Variants in PAK1 observed in about 807,000 individuals in gnomAD.
PAK1 encodes the protein serine/threonine-protein kinase PAK 1.
PAK1 carries 29 observed loss-of-function variants against 67.4 expected under a neutral mutation model. That is an observed-to-expected ratio of 0.43 (90% CI 0.32 to 0.59). The LOEUF (loss-of-function observed/expected upper bound fraction) is 0.59. Ranked by LOEUF, PAK1 falls within the 20% of genes least tolerant of loss-of-function variation. The probability of loss-of-function intolerance (pLI) is 0.07; values close to 1 mark genes in which losing one functional copy is unlikely to be tolerated. For synonymous variants in PAK1, 223 were observed against 237.4 expected (o/e 0.94, Z 0.56); for missense variants, 337 against 670.7 (o/e 0.50, Z 5.50).
intron 5 of PAK1, among the ~76,000 whole-genome samples, chr11:77,372,030 G>A (rs1207628604): frequency 6.6e-6 from 1 of 152,158 alleles, no homozygotes; most frequent in Admixed American, 6.5e-5. Context: ...TAAGTCTTCA[G>A]GAAACTCTGT....
intron 14 of PAK1, among the ~76,000 whole-genome samples, chr11:77,332,234 C>T (rs866351286): frequency 7.2e-6 from 1 of 139,836 alleles, no homozygotes; most frequent in African/African-American, 2.7e-5. Context: ...CTTGAGTGAA[C>T]CCAGGAGAGG....
At chr11:77,327,604 A>G (rs1236503560) in intron 14 of PAK1, among the ~76,000 whole-genome samples, 2 of 152,232 alleles carry the variant, frequency 1.3e-5, no homozygotes, top group African/African-American at 2.4e-5. Flanking sequence ...TGTCACCACC[A>G]GGCCTGCCTT....
At chr11:77,508,956 G>A in the PAK1 span, among the ~76,000 whole-genome samples, 40 of 136,156 alleles carry the variant, frequency 2.9e-4, no homozygotes, top group African/African-American at 9.3e-4. Flanking sequence ...CACCGCGCCC[G>A]GCCCAGGGAT....
intron 5 of PAK1, among the ~76,000 whole-genome samples, chr11:77,372,866 T>C (rs1037234005): frequency 6.6e-6 from 1 of 152,216 alleles, no homozygotes; most frequent in African/African-American, 2.4e-5. Context: ...GCTCAGACTT[T>C]ACCATCAGGA....
At chr11:77,335,606 C>G (rs1385476684) in intron 13 of PAK1, among the ~76,000 whole-genome samples, 1 of 152,164 alleles carries the variant, frequency 6.6e-6, no homozygotes, top group Admixed American at 6.5e-5. Context: ...AACAGTCTCT[C>G]GCAGTCTATT....
At chr11:77,522,426 A>G in the PAK1 span, among the ~76,000 whole-genome samples, 1 of 152,222 alleles carries the variant, frequency 6.6e-6, no homozygotes, top group Non-Finnish European at 1.5e-5. Context: ...ATACCCTTCC[A>G]GTCAAAGCCT....
the PAK1 span, among the ~76,000 whole-genome samples, chr11:77,511,089 A>C: frequency 6.6e-6 from 1 of 152,220 alleles, no homozygotes; most frequent in Non-Finnish European, 1.5e-5. Flanking sequence ...ACCATTATAC[A>C]GTATTTGGCA....
chr11:77,387,920 T>A (rs1030617673), intron 2 of PAK1, among the ~76,000 whole-genome samples: 1 of 152,202 alleles, frequency 6.6e-6, no homozygotes, highest in Non-Finnish European at 1.5e-5. Flanking sequence ...TTGAGTAGCT[T>A]ACTGGTTGAT....
intron 1 of PAK1, among the ~76,000 whole-genome samples, chr11:77,396,553 CAAACGAATGAAT>C (rs1475104391): frequency 6.6e-6 from 1 of 152,142 alleles, no homozygotes; most frequent in Middle Eastern, 3.2e-3. Flanking sequence ...GTTGAATAAA[CAAACGAATGAAT>C]AAACAAAGAA....
the PAK1 span, among the ~76,000 whole-genome samples, chr11:77,519,773 T>C: frequency 6.6e-6 from 1 of 152,208 alleles, no homozygotes. Context: ...TTGCAGAATT[T>C]TGCTCCTTAG....
At chr11:77,392,149 G>A (rs1338966749) in intron 2 of PAK1, among the ~76,000 whole-genome samples, 182 bp downstream of exon 2, 1 of 152,104 alleles carries the variant, frequency 6.6e-6, no homozygotes, top group Admixed American at 6.6e-5. Flanking sequence ...ATAGTTAATA[G>A]AGTATAAAAA....
chr11:77,342,207 T>C (rs1265444210), intron 10 of PAK1, among the ~76,000 whole-genome samples: 2 of 151,220 alleles, frequency 1.3e-5, no homozygotes, highest in Admixed American at 6.6e-5. Context: ...TAATGTCCTC[T>C]TCCATGACCT....
chr11:77,495,910 G>A, the PAK1 span, among the ~76,000 whole-genome samples: 1 of 152,040 alleles, frequency 6.6e-6, no homozygotes, highest in Non-Finnish European at 1.5e-5. Context: ...GGAGGTTATT[G>A]TTTAATGAGC....
intron 13 of PAK1, 45 bp downstream of exon 13, chr11:77,336,041 G>A (rs1313743793): frequency 2.3e-6 from 3 of 1,292,086 alleles, no homozygotes; most frequent in Non-Finnish European, 3.3e-6. Context: ...CCTGGGACTA[G>A]AGACAACAGC....
chr11:77,398,418 C>T (rs1198704178), intron 1 of PAK1, among the ~76,000 whole-genome samples: 1 of 152,192 alleles, frequency 6.6e-6, no homozygotes, highest in Non-Finnish European at 1.5e-5. Flanking sequence ...CCAGTTCCAT[C>T]CACGTTGTTG....
At chr11:77,409,298 A>G (rs1257716622) in intron 1 of PAK1, among the ~76,000 whole-genome samples, 1 of 152,078 alleles carries the variant, frequency 6.6e-6, no homozygotes, top group Non-Finnish European at 1.5e-5. Flanking sequence ...AAGACAGGCA[A>G]TAACAGATGC....
chr11:77,337,782 AAAC>A (rs2136200297), intron 11 of PAK1, among the ~76,000 whole-genome samples: 1 of 152,318 alleles, frequency 6.6e-6, no homozygotes, highest in African/African-American at 2.4e-5. Context: ...GACCAGAGGA[AAAC>A]AACAAATAAG....
the PAK1 span, among the ~76,000 whole-genome samples, chr11:77,516,421 T>C: frequency 6.6e-6 from 1 of 152,182 alleles, no homozygotes; most frequent in Non-Finnish European, 1.5e-5. Context: ...ATAGAAAAAG[T>C]AACACAACCT....
the PAK1 span, among the ~76,000 whole-genome samples, chr11:77,529,528 C>T: frequency 5.3e-5 from 8 of 152,144 alleles, no homozygotes; most frequent in East Asian, 1.9e-4. Context: ...ATTTTTTCCA[C>T]ATTCCTTGTA....
Sources: allele counts gnomAD v4.1 joint callset (sites outside exome capture counted in the v4.1 genomes callset), GRCh38; gene constraint gnomAD v4.1.1; transcripts MANE v1.5; gene names NCBI Gene and HGNC (gene_info 2026-07-23, HGNC 2026-07-21).